The following RASGRF2 variants were observed in gnomAD, a reference collection of about 807,000 sequenced individuals.
RASGRF2 encodes the protein Ras protein specific guanine nucleotide releasing factor 2, also known as ras-specific guanine nucleotide-releasing factor 2.
Under a neutral mutation model 151.0 loss-of-function variants are expected in RASGRF2, and 76 were observed. The observed-to-expected ratio is 0.50, with a 90% CI of 0.42 to 0.61. RASGRF2 has a LOEUF of 0.61. RASGRF2 is among the 20% of genes least tolerant of loss of function. The probability of loss-of-function intolerance (pLI) is 0.00; values close to 1 mark genes in which losing one functional copy is unlikely to be tolerated. For synonymous variants in RASGRF2, 504 were observed against 566.5 expected, an observed-to-expected ratio of 0.89 and a Z score of 1.57; for missense variants, 1,148 against 1,564.6, an observed-to-expected ratio of 0.73 and a Z score of 4.49.
intron 1 of RASGRF2, among the ~76,000 whole-genome samples, chr5:80,986,339 C>T (rs557740292): frequency 1.3e-5 from 2 of 152,330 alleles, no homozygotes; most frequent in East Asian, 3.9e-4. Flanking sequence ...CCTTTGCACA[C>T]CCACTGCCCC....
intron 2 of RASGRF2, among the ~76,000 whole-genome samples, chr5:81,056,325 G>A (rs898780058): frequency 6.6e-6 from 1 of 152,110 alleles, no homozygotes; most frequent in African/African-American, 2.4e-5. Flanking sequence ...CTTGTATGTT[G>A]TGTCTTTGTT....
intron 9 of RASGRF2, among the ~76,000 whole-genome samples, chr5:81,092,109 G>A (rs1223365366): frequency 6.6e-6 from 1 of 152,142 alleles, no homozygotes; most frequent in African/African-American, 2.4e-5. Context: ...TAAAGTCTGT[G>A]TATAGCTTCC....
intron 17 of RASGRF2, among the ~76,000 whole-genome samples, chr5:81,155,825 C>T (rs572820043): frequency 3.3e-5 from 5 of 152,124 alleles, no homozygotes; most frequent in East Asian, 1.9e-4. Context: ...ATGAGGGAGT[C>T]GGGTTATGGA....
chr5:80,997,615 G>A (rs946291966), intron 1 of RASGRF2: 3 of 152,186 alleles, frequency 2.0e-5, no homozygotes. Context: ...AAATGAAATA[G>A]TTTCAGTAGT....
chr5:81,038,119 T>A (rs1750561992), intron 1 of RASGRF2, among the ~76,000 whole-genome samples: 2 of 152,250 alleles, frequency 1.3e-5, no homozygotes, highest in Non-Finnish European at 2.9e-5. Context: ...TTATCCTTTC[T>A]CCTGTTGGTG....
chr5:81,110,765 A>G (rs149516927), intron 13 of RASGRF2, among the ~76,000 whole-genome samples: 1 of 152,362 alleles, frequency 6.6e-6, no homozygotes, highest in African/African-American at 2.4e-5. Flanking sequence ...ATGAATTCAT[A>G]AAATTTTCTC....
intron 2 of RASGRF2, among the ~76,000 whole-genome samples, chr5:81,056,676 A>T (rs967212810): frequency 6.6e-6 from 1 of 152,002 alleles, no homozygotes; most frequent in Admixed American, 6.6e-5. Flanking sequence ...CAATTCCTGG[A>T]TATCCTTGTT....
chr5:81,082,604 GT>G (rs1380086639), intron 7 of RASGRF2, among the ~76,000 whole-genome samples: 1 of 152,194 alleles, frequency 6.6e-6, no homozygotes, highest in Non-Finnish European at 1.5e-5. Context: ...TGATCCTAGA[GT>G]GACTACACTA....
chr5:81,087,312 A>G (rs1466710766), intron 9 of RASGRF2: 1 of 703,068 alleles, frequency 1.4e-6, no homozygotes. Context: ...CCCAGGAGAA[A>G]CTTGCGTTGC....
chr5:81,004,958 T>C (rs1490315705), intron 1 of RASGRF2, among the ~76,000 whole-genome samples: 1 of 152,154 alleles, frequency 6.6e-6, no homozygotes, highest in Non-Finnish European at 1.5e-5. Context: ...ATACTGAATT[T>C]CCAAACATTT....
At chr5:80,974,727 G>T (rs559425614) in intron 1 of RASGRF2, among the ~76,000 whole-genome samples, 2 of 152,296 alleles carry the variant, frequency 1.3e-5, no homozygotes, top group African/African-American at 4.8e-5. Context: ...ATTTAGGCCG[G>T]AGAGTCACAA....
At chr5:81,082,872 T>C (rs1313522026) in intron 7 of RASGRF2, among the ~76,000 whole-genome samples, 2 of 152,178 alleles carry the variant, frequency 1.3e-5, no homozygotes, top group African/African-American at 4.8e-5. Flanking sequence ...CACAGAATTG[T>C]CTTTGCTTGC....
At chr5:80,992,525 T>A (rs1389745323) in intron 1 of RASGRF2, among the ~76,000 whole-genome samples, 18 of 152,220 alleles carry the variant, frequency 1.2e-4, no homozygotes, top group Admixed American at 6.5e-5. Context: ...GGTTCTTACT[T>A]GTGAAAGAGG....
At chr5:81,175,736 C>T (rs13354012) in intron 17 of RASGRF2, among the ~76,000 whole-genome samples, 2,016 of 123,774 alleles carry the variant, frequency 0.016, 43 homozygotes, top group African/African-American at 0.058. Context: ...GCTTGGGCAA[C>T]TAGAGCGAAA....
At chr5:81,058,775 CAAAAAAAAAAA>C (rs56875865) in intron 2 of RASGRF2, among the ~76,000 whole-genome samples, 1 of 70,114 alleles carries the variant, frequency 1.4e-5, no homozygotes, top group Non-Finnish European at 2.5e-5. Flanking sequence ...GGCCCTGTAT[CAAAAAAAAAAA>C]AAAAAAAAAA....
chr5:81,176,016 C>T (rs967946088), intron 17 of RASGRF2, among the ~76,000 whole-genome samples: 2 of 152,154 alleles, frequency 1.3e-5, no homozygotes, highest in Non-Finnish European at 2.9e-5. Flanking sequence ...GTGCTGTATA[C>T]TCATTAGCTG....
intron 2 of RASGRF2, among the ~76,000 whole-genome samples, chr5:81,064,671 G>A (rs1010169802): frequency 2.6e-5 from 4 of 152,142 alleles, no homozygotes; most frequent in Non-Finnish European, 4.4e-5. Flanking sequence ...TGTGAATGCT[G>A]CATCGTGTAA....
intron 1 of RASGRF2, among the ~76,000 whole-genome samples, chr5:80,961,944 CCA>C (rs1271320452): frequency 6.6e-6 from 1 of 152,138 alleles, no homozygotes; most frequent in Non-Finnish European, 1.5e-5. Context: ...TTCTCAATCC[CCA>C]CCTTGATATG....
At chr5:81,082,788 G>T (rs1403238392) in intron 7 of RASGRF2, among the ~76,000 whole-genome samples, 2 of 152,334 alleles carry the variant, frequency 1.3e-5, no homozygotes, top group Admixed American at 1.3e-4. Context: ...CTTGTGGGAG[G>T]CTTTGATCTG....
Sources: gnomAD v4.1 joint callset for allele counts (sites outside exome capture counted in the v4.1 genomes callset) on GRCh38, gnomAD v4.1.1 for gene constraint, MANE v1.5 for transcripts, NCBI Gene and HGNC (gene_info 2026-07-23, HGNC 2026-07-21) for gene names.